The following BRAF variants were observed in gnomAD, a reference collection of about 807,000 sequenced individuals.
BRAF encodes the protein serine/threonine-protein kinase B-raf.
BRAF carries 16 observed loss-of-function variants against 104.6 expected under a neutral mutation model. The observed-to-expected ratio is 0.15, with a 90% CI of 0.10 to 0.23. The LOEUF is 0.23. Ranked by LOEUF, BRAF falls within the 10% of genes least tolerant of loss-of-function variation. BRAF has a pLI of 1.00. For synonymous variants in BRAF, 310 were observed against 341.6 expected (o/e 0.91, Z 1.02); for missense variants, 541 against 937.3 (o/e 0.58, Z 5.52).
chr7:140,775,583 C>A (rs1800264601), intron 14 of BRAF, among the ~76,000 whole-genome samples: 1 of 149,672 alleles, frequency 6.7e-6, no homozygotes, highest in Admixed American at 6.6e-5. Flanking sequence ...AGGTGATCCG[C>A]CTGCCTCGGC....
At chr7:140,877,232 C>T (rs909740569) in intron 1 of BRAF, among the ~76,000 whole-genome samples, 2 of 136,192 alleles carry the variant, frequency 1.5e-5, no homozygotes, top group African/African-American at 5.6e-5. Flanking sequence ...TACAGTAGTG[C>T]TACAGTGAAT....
chr7:140,761,945 C>T (rs1445118046), intron 14 of BRAF, among the ~76,000 whole-genome samples: 2 of 152,150 alleles, frequency 1.3e-5, no homozygotes, highest in Admixed American at 6.5e-5. Context: ...TAATGGGAGA[C>T]TTTAACATCC....
chr7:140,792,541 A>AC (rs1294577105), intron 8 of BRAF, among the ~76,000 whole-genome samples: 2 of 151,884 alleles, frequency 1.3e-5, no homozygotes, highest in Non-Finnish European at 2.9e-5. Context: ...GACTTTCCTA[A>AC]CCCCCTTATG....
rs181896254 is a variant in BRAF, at chr7:140,750,278, C to G, written c.1981-860G>C. 7.8e-4 allele frequency among the ~76,000 whole-genome samples: 119 copies of G among 152,278 alleles called. 1 individual carries two copies. Among genetic ancestry groups the G allele is most frequent in the Non-Finnish European group, 5.9e-5 (4 of 68,020 alleles). ...TGTCAATTTGACAGCAAAAGTGGTA[C>G]TAACTCTGCAAAAATGACTGAAAGA... On this transcript the variant is annotated intron_variant, in intron 16 of 19. Transcript: ENST00000644969.
At chr7:140,754,823 T>C (rs1438658505) in intron 14 of BRAF, among the ~76,000 whole-genome samples, 2 of 152,216 alleles carry the variant, frequency 1.3e-5, no homozygotes, top group African/African-American at 4.8e-5. Flanking sequence ...AACATGCAGT[T>C]TGGTAATTAA....
At chr7:140,795,492 G>C (rs902983329) in intron 7 of BRAF, among the ~76,000 whole-genome samples, 1 of 152,160 alleles carries the variant, frequency 6.6e-6, no homozygotes, top group Admixed American at 6.5e-5. Context: ...CTAAGACACA[G>C]CTAGAAAGAC....
intron 1 of BRAF, among the ~76,000 whole-genome samples, chr7:140,863,138 C>T (rs1188687037): frequency 6.6e-6 from 1 of 151,990 alleles, no homozygotes; most frequent in African/African-American, 2.4e-5. Flanking sequence ...AGGAGTAGGC[C>T]TCTCGTCCCA....
At chr7:140,838,976 GAAT>G (rs1177445751) in intron 2 of BRAF, among the ~76,000 whole-genome samples, 2 of 151,880 alleles carry the variant, frequency 1.3e-5, no homozygotes, top group African/African-American at 2.4e-5. Context: ...TTAAAAAAGT[GAAT>G]AATATAGTAT....
chr7:140,889,133 C>T (rs959853029), intron 1 of BRAF, among the ~76,000 whole-genome samples: 5 of 152,106 alleles, frequency 3.3e-5, no homozygotes, highest in African/African-American at 7.2e-5. Context: ...ACATCAACAG[C>T]GCCAATGTTG....
downstream of BRAF, among the ~76,000 whole-genome samples, chr7:140,718,118 A>G (rs1186691112): frequency 1.3e-5 from 2 of 152,144 alleles, no homozygotes; most frequent in African/African-American, 4.8e-5. Flanking sequence ...TTTTTGAGAC[A>G]GAGTCTCGCT....
At chr7:140,844,973 A>T (rs995295483) in intron 2 of BRAF, among the ~76,000 whole-genome samples, 7 of 152,218 alleles carry the variant, frequency 4.6e-5, no homozygotes, top group Non-Finnish European at 1.0e-4. Context: ...AATTTTGAAA[A>T]AGAACAAAGT....
intron 9 of BRAF, among the ~76,000 whole-genome samples, chr7:140,786,288 A>AT (rs1418760740): frequency 6.6e-6 from 1 of 152,258 alleles, no homozygotes; most frequent in Non-Finnish European, 1.5e-5. Flanking sequence ...ATACAGAAAC[A>AT]TAACAAAAGA....
intron 14 of BRAF, among the ~76,000 whole-genome samples, chr7:140,758,766 A>G (rs1798414066): frequency 6.6e-6 from 1 of 152,226 alleles, no homozygotes; most frequent in African/African-American, 2.4e-5. Flanking sequence ...ACTTTTAAAA[A>G]CTGAAATTTA....
chr7:140,739,656 C>T (rs1362077541), intron 18 of BRAF, among the ~76,000 whole-genome samples, 156 bp downstream of exon 17: 1 of 152,098 alleles, frequency 6.6e-6, no homozygotes, highest in African/African-American at 2.4e-5. Context: ...TGCCACTGCT[C>T]AACCCTCATG....
chr7:140,797,875 T>C (rs1181355645), intron 7 of BRAF, among the ~76,000 whole-genome samples: 1 of 151,916 alleles, frequency 6.6e-6, no homozygotes, highest in Non-Finnish European at 1.5e-5. Context: ...GATTTGACCA[T>C]CTAAAAAAAA....
intron 12 of BRAF, among the ~76,000 whole-genome samples, chr7:140,780,134 G>C (rs1020426079): frequency 2.0e-5 from 3 of 151,574 alleles, no homozygotes; most frequent in African/African-American, 7.3e-5. Context: ...CCTTAATTAT[G>C]TCACTCAAAA....
At chr7:140,862,934 T>C (rs1810574183) in intron 1 of BRAF, among the ~76,000 whole-genome samples, 1 of 152,212 alleles carries the variant, frequency 6.6e-6, no homozygotes, top group Non-Finnish European at 1.5e-5. Flanking sequence ...TGGGCAAAAA[T>C]GACTGTGAAT....
intron 4 of BRAF, 52 bp downstream of exon 4, chr7:140,808,840 T>A: frequency 1.4e-6 from 2 of 1,442,450 alleles, no homozygotes; most frequent in South Asian, 2.3e-5. Context: ...CTTCAAAGTT[T>A]AATGTGTGAT....
At chr7:140,794,201 T>C in intron 8 of BRAF, 107 bp downstream of exon 8, 1 of 1,342,106 alleles carries the variant, frequency 7.5e-7, no homozygotes, top group Non-Finnish European at 1.0e-6. Flanking sequence ...AAAATAACTG[T>C]GATAAATGAA....
Sources: allele counts gnomAD v4.1 joint callset (sites outside exome capture counted in the v4.1 genomes callset), GRCh38; gene constraint gnomAD v4.1.1; transcripts MANE v1.5; gene names NCBI Gene and HGNC (gene_info 2026-07-23, HGNC 2026-07-21).